Variants in SUCO observed in about 807,000 individuals in gnomAD.
SUCO encodes SUN domain-containing ossification factor.
A neutral mutation model predicts 148.1 loss-of-function variants in SUCO; 57 were observed. The ratio of observed to expected loss-of-function variants is 0.38; its 90% confidence interval spans 0.31 to 0.48. The LOEUF is 0.48. Among genes scored for constraint, SUCO ranks in the 20% least tolerant of loss-of-function variants. SUCO has a pLI of 0.96. For synonymous variants in SUCO, 470 were observed against 502.7 expected (o/e 0.93, Z 0.87); for missense variants, 1,331 against 1,468.2 (o/e 0.91, Z 1.53).
chr1:172,577,659 T>G, intron 12 of SUCO, 100 bp downstream of exon 12: 1 of 1,577,326 alleles, frequency 6.3e-7, no homozygotes, highest in Non-Finnish European at 8.6e-7. Flanking sequence ...AATAAGGACT[T>G]TATAGAAATG....
At chr1:172,603,958 C>A (rs1214621011) in intron 22 of SUCO, among the ~76,000 whole-genome samples, 1 of 151,902 alleles carries the variant, frequency 6.6e-6, no homozygotes, top group Non-Finnish European at 1.5e-5. Flanking sequence ...AACACCTGTG[C>A]ATTTCTGTTG....
At chr1:172,546,656 C>G (rs190889919) in intron 1 of SUCO, among the ~76,000 whole-genome samples, 1 of 152,216 alleles carries the variant, frequency 6.6e-6, no homozygotes, top group Admixed American at 6.5e-5. Context: ...CACCTGTAAT[C>G]CCAGCACTTT....
chr1:172,602,612 T>TA, intron 21 of SUCO, 84 bp from the exon 22 acceptor site: 1 of 1,554,034 alleles, frequency 6.4e-7, no homozygotes, highest in Non-Finnish European at 8.6e-7. Context: ...CAGTTCTCAA[T>TA]AACCTCTGTG....
chr1:172,555,753 G>C, intron 3 of SUCO, 116 bp from the exon 4 acceptor site: 1 of 819,240 alleles, frequency 1.2e-6, no homozygotes, highest in Non-Finnish European at 1.7e-6. Flanking sequence ...ACTTTTTTTA[G>C]TGAACATTGT....
Position 172,611,471 on chromosome 1 carries a change from A to G in SUCO, c.*1212A>G, listed in dbSNP as rs1658209606. ...TTTATTGTTGTGATGTTTAAGTTAT[A>G]ACTTATTGAGCACTTTTAGTAGTGA... On this transcript the variant is annotated 3_prime_UTR_variant, in exon 24 of 24. Transcript: ENST00000263688. 6.6e-6 allele frequency: 1 copy of G among 152,654 alleles called. No homozygotes were observed. The highest frequency in any genetic ancestry group is 1.5e-5 in the Non-Finnish European group (1 of 68,034). The allele number at this position is 152,654 out of a possible 1,614,324, so 9.5% of individuals were successfully genotyped here.
rs138299202 is a variant in SUCO at position 172,559,713 on chromosome 1, A to C, written c.732+1919A>C. Among the ~76,000 whole-genome samples the C allele has an allele frequency of 3.6e-3, 543 of 152,280 alleles. 2 individuals carry two copies. Among genetic ancestry groups the C allele is most frequent in the African/African-American group, 0.013 (522 of 41,544 alleles). On this transcript the variant is annotated intron_variant, in intron 6 of 23. Coordinates refer to ENST00000263688, the MANE Select transcript of SUCO (RefSeq NM_014283.5). ...AGAAATTTCTAGGGAAAAGGTGGTA[A>C]CTTCTGGGTTGTCAGGCAGTTGTTA...
chr1:172,548,640 A>G (rs531125129), intron 1 of SUCO, among the ~76,000 whole-genome samples: 36 of 152,044 alleles, frequency 2.4e-4, no homozygotes, highest in East Asian at 7.7e-4. Context: ...ATTTTGCTAC[A>G]TATTTCTTGC....
At chr1:172,588,695 T>G (rs935810862) in intron 17 of SUCO, 65 bp from the exon 18 acceptor site, 1 of 1,302,098 alleles carries the variant, frequency 7.7e-7, no homozygotes, top group South Asian at 2.9e-5. Flanking sequence ...TTTATTTTTC[T>G]TTAACATATT....
intron 9 of SUCO, among the ~76,000 whole-genome samples, chr1:172,571,536 G>C (rs895795060): frequency 1.3e-5 from 2 of 149,670 alleles, no homozygotes; most frequent in Admixed American, 1.3e-4. Flanking sequence ...TGGGACGTGA[G>C]GAGCCCCTCT....
At chr1:172,556,637 G>A (rs1051372950) in intron 4 of SUCO, 2 of 984,912 alleles carry the variant, frequency 2.0e-6, no homozygotes, top group Non-Finnish European at 2.4e-6. Context: ...CATAACTCAA[G>A]AATGTAAGGG....
chr1:172,592,813 G>A (rs1413318150), intron 19 of SUCO, among the ~76,000 whole-genome samples: 6 of 152,192 alleles, frequency 3.9e-5, no homozygotes. Flanking sequence ...ATTCTGTAAA[G>A]AAAGTCATTG....
intron 6 of SUCO, among the ~76,000 whole-genome samples, chr1:172,562,676 T>A (rs535318323): frequency 1.3e-5 from 2 of 152,198 alleles, no homozygotes; most frequent in Admixed American, 6.5e-5. Context: ...AATTTCCTTT[T>A]AATTATACCA....
At chr1:172,583,629 T>G (rs1368348316) in intron 15 of SUCO, among the ~76,000 whole-genome samples, 1 of 152,142 alleles carries the variant, frequency 6.6e-6, no homozygotes, top group Non-Finnish European at 1.5e-5. Context: ...TCATTGAAAA[T>G]ATGATGAATA....
chr1:172,602,582 T>A, intron 21 of SUCO, 114 bp from the exon 22 acceptor site: 2 of 1,487,612 alleles, frequency 1.3e-6, no homozygotes, highest in Non-Finnish European at 1.8e-6. Context: ...AGTGTTAGAG[T>A]TAGTCCCGTG....
chr1:172,569,219 G>A, intron 7 of SUCO, 77 bp downstream of exon 7: 1 of 1,227,466 alleles, frequency 8.1e-7, no homozygotes, highest in East Asian at 2.9e-5. Context: ...TTTTTTGATT[G>A]GTAAAACAAA....
At position 172,585,063 on chromosome 1, in the gene SUCO, CA is replaced by C; in HGVS notation, c.1549del (p.Thr517LeufsTer4). On this transcript the variant is annotated frameshift_variant, in exon 16 of 24. Transcript: ENST00000263688. LOFTEE classifies it high-confidence loss of function. ...AATATTGCTGCTAATATTCTGGGAG[CA>C]AAAACTGAAGACCTGACAGAAGGTA... ...MVNIAANILG[A>X]KTEDLTEGNK... 1 of 1,604,338 alleles carries C rather than the reference CA, an allele frequency of 6.2e-7. No individual in the cohort carries two copies. Among genetic ancestry groups the C allele is most frequent in the Non-Finnish European group, 8.5e-7 (1 of 1,174,718 alleles).
intron 1 of SUCO, 42 bp from the exon 2 acceptor site, chr1:172,551,470 T>C (rs1449934229): frequency 7.7e-7 from 1 of 1,295,242 alleles, no homozygotes; most frequent in Non-Finnish European, 1.1e-6. Context: ...TTTCTTTCTC[T>C]TTCTCTTTTT....
At chr1:172,574,482 A>G (rs1449286505) in intron 10 of SUCO, among the ~76,000 whole-genome samples, 1 of 145,502 alleles carries the variant, frequency 6.9e-6, no homozygotes, top group Non-Finnish European at 1.6e-5. Flanking sequence ...AGAAATAAAT[A>G]TATGTTGTGA....
Position 172,597,610 on chromosome 1 carries a change from C to T in SUCO, c.2914-2454C>T, listed in dbSNP as rs559234555. Among the ~76,000 whole-genome samples, 159 of 147,102 alleles carry T rather than the reference C, an allele frequency of 1.1e-3. 1 individual carries two copies. Among genetic ancestry groups the T allele is most frequent in the African/African-American group, 3.8e-3 (142 of 37,202 alleles). ...TTTTTGATCGTCATACCTTTTTTTT[C>T]CCCCTATCTCTTGGCTAGAGCCATA... On this transcript the variant is annotated intron_variant, in intron 19 of 23. Transcript: ENST00000263688.
Sources: allele counts gnomAD v4.1 joint callset (sites outside exome capture counted in the v4.1 genomes callset), GRCh38; gene constraint gnomAD v4.1.1; transcripts MANE v1.5; gene names NCBI Gene and HGNC (gene_info 2026-07-23, HGNC 2026-07-21).